The following STIM1 variants were observed in gnomAD, a reference collection of about 807,000 sequenced individuals.
STIM1 encodes stromal interaction molecule 1.
STIM1 carries 25 observed loss-of-function variants against 74.7 expected under a neutral mutation model. The observed-to-expected ratio is 0.33, with a 90% CI of 0.24 to 0.47. The LOEUF (loss-of-function observed/expected upper bound fraction) is 0.47, where lower values mean the gene tolerates loss of function less well. STIM1 is among the 20% of genes least tolerant of loss of function. The pLI, the probability that STIM1 is intolerant of heterozygous loss-of-function variation, is 1.00. For missense variants in STIM1, 728 were observed against 920.8 expected (o/e 0.79, Z 2.71); for synonymous variants, 328 against 348.8 (o/e 0.94, Z 0.66).
intron 10 of STIM1, chr11:4,083,787 C>G (rs1171555449): frequency 2.7e-6 from 1 of 374,624 alleles, no homozygotes; most frequent in Admixed American, 4.2e-5. Flanking sequence ...CTCTATCTAC[C>G]TTTATAAAAA....
chr11:3,904,071 C>T (rs1017243806), intron 1 of STIM1, among the ~76,000 whole-genome samples: 2 of 151,690 alleles, frequency 1.3e-5, no homozygotes, highest in African/African-American at 4.8e-5. Context: ...GTGGTATGTG[C>T]CTGTAATCTC....
Position 4,082,295 on chromosome 11 carries a change from T to C in STIM1, c.1081T>C (p.Tyr361His). 1.9e-6 allele frequency: 3 copies of C among 1,613,836 alleles called. No homozygotes were observed. Among genetic ancestry groups the C allele is most frequent in the Non-Finnish European group, 2.5e-6 (3 of 1,180,010 alleles). The change falls in exon 8 of 13, where the codon TAT becomes CAT. Residue 361 changes from tyrosine (Y) to histidine (H), a missense_variant. Transcript: ENST00000526596. ...GCTGACACATGAGGTGGAGGTGCAA[T>C]ATTACAACATCAAGAAGCAAAATGC... ...LQLTHEVEVQ[Y>H]YNIKKQNAEK...
chr11:3,925,664 T>G (rs1284077007), intron 1 of STIM1, among the ~76,000 whole-genome samples: 3 of 152,240 alleles, frequency 2.0e-5, no homozygotes, highest in African/African-American at 7.2e-5. Flanking sequence ...TTATTTAATA[T>G]AATGGTCAAC....
At chr11:3,919,827 CTGCTACTTGGGA>C (rs535386763) in intron 1 of STIM1, among the ~76,000 whole-genome samples, 14 of 152,232 alleles carry the variant, frequency 9.2e-5, no homozygotes, top group Non-Finnish European at 1.6e-4. Flanking sequence ...CCTGTAATCC[CTGCTACTTGGGA>C]TGCTGAAGTG....
chr11:4,054,434 T>TG lies in STIM1; in HGVS notation c.386-1090dup, dbSNP rs148209312. On this transcript the variant is annotated intron_variant, in intron 3 of 12. Transcript: ENST00000526596. The stretch of plus-strand genomic sequence containing the variant: ...TGGGCCACGGACCTGTGTCAGTCCA[T>TG]GGCCCGTTAGGGACTGGGCTGCACA... Among the ~76,000 whole-genome samples, 1,468 of 152,326 alleles carry TG rather than the reference T, an allele frequency of 9.6e-3. 22 individuals carry two copies. Among genetic ancestry groups the TG allele is most frequent in the African/African-American group, 0.034 (1,408 of 41,566 alleles).
chr11:3,876,875 G>A (rs1424438746), intron 1 of STIM1, among the ~76,000 whole-genome samples: 1 of 152,150 alleles, frequency 6.6e-6, no homozygotes, highest in East Asian at 1.9e-4. Context: ...CAGGAGTAGT[G>A]CCTGGCATGT....
chr11:3,993,663 C>CA (rs2093635204), intron 2 of STIM1, among the ~76,000 whole-genome samples: 1 of 151,864 alleles, frequency 6.6e-6, no homozygotes, highest in African/African-American at 2.4e-5. Context: ...CTCAAAAAAA[C>CA]AAAAAACGAA....
At chr11:4,079,248 G>A (rs187669493) in intron 7 of STIM1, among the ~76,000 whole-genome samples, 23 of 150,624 alleles carry the variant, frequency 1.5e-4, no homozygotes, top group African/African-American at 5.6e-4. Flanking sequence ...CTGAGAGATC[G>A]CGCCACTGCA....
At chr11:3,962,591 A>G (rs2093299315) in intron 1 of STIM1, among the ~76,000 whole-genome samples, 1 of 152,130 alleles carries the variant, frequency 6.6e-6, no homozygotes, top group East Asian at 1.9e-4. Context: ...ATCTCTTTAT[A>G]TAATGATTTC....
At chr11:4,023,395 T>C (rs535501874) in intron 2 of STIM1, among the ~76,000 whole-genome samples, 1 of 152,274 alleles carries the variant, frequency 6.6e-6, no homozygotes, top group Admixed American at 6.5e-5. Context: ...CTAAACCTAA[T>C]GTAATTTGGG....
chr11:3,891,012 C>T (rs2091878275), intron 1 of STIM1, among the ~76,000 whole-genome samples: 1 of 152,172 alleles, frequency 6.6e-6, no homozygotes, highest in East Asian at 1.9e-4. Context: ...CTCTGAGCCA[C>T]AGCGAAGTCC....
chr11:3,966,652 A>T (rs1180342408), intron 1 of STIM1, among the ~76,000 whole-genome samples: 1 of 152,246 alleles, frequency 6.6e-6, no homozygotes, highest in African/African-American at 2.4e-5. Flanking sequence ...ATTGGAAGAA[A>T]TACTAGAAAC....
chr11:3,947,579 C>T (rs752429421), intron 1 of STIM1: 2 of 152,176 alleles, frequency 1.3e-5, no homozygotes, highest in Admixed American at 1.3e-4. Context: ...AGCAGGCTAC[C>T]TTTGCATTTC....
chr11:3,859,491 C>G (rs1243303544), intron 1 of STIM1, among the ~76,000 whole-genome samples: 1 of 152,194 alleles, frequency 6.6e-6, no homozygotes, highest in Non-Finnish European at 1.5e-5. Context: ...GCATGAGGGA[C>G]CTCAGGTGGA....
At chr11:4,012,146 G>A (rs889720511) in intron 2 of STIM1, among the ~76,000 whole-genome samples, 9 of 152,318 alleles carry the variant, frequency 5.9e-5, no homozygotes, top group Middle Eastern at 6.8e-3. Flanking sequence ...ATAGTTTGAA[G>A]TCAGGTAGTG....
chr11:4,031,700 T>C (rs2094051807), intron 3 of STIM1, among the ~76,000 whole-genome samples: 1 of 152,240 alleles, frequency 6.6e-6, no homozygotes. Context: ...CTGTTAAATC[T>C]TTTGTCTGCT....
intron 1 of STIM1, chr11:3,947,471 T>C (rs1322939789): frequency 1.3e-5 from 2 of 152,226 alleles, no homozygotes; most frequent in Admixed American, 6.5e-5. Flanking sequence ...GGAGGCTTTC[T>C]GGCTCTGATG....
intron 2 of STIM1, among the ~76,000 whole-genome samples, chr11:4,021,564 A>G (rs1328776367): frequency 6.6e-6 from 1 of 152,230 alleles, no homozygotes; most frequent in Non-Finnish European, 1.5e-5. Flanking sequence ...TGCCAGCACC[A>G]TGCTGTTTCA....
intron 1 of STIM1, among the ~76,000 whole-genome samples, chr11:3,878,024 T>C (rs1184027306): frequency 6.6e-6 from 1 of 152,198 alleles, no homozygotes; most frequent in African/African-American, 2.4e-5. Flanking sequence ...GTAAAGAACA[T>C]GTTCCTGGAT....
Sources: allele counts gnomAD v4.1 joint callset (sites outside exome capture counted in the v4.1 genomes callset), GRCh38; gene constraint gnomAD v4.1.1; transcripts MANE v1.5; gene names NCBI Gene and HGNC (gene_info 2026-07-23, HGNC 2026-07-21).